The following RSU1 variants were observed in gnomAD, a reference collection of about 807,000 sequenced individuals.
The protein encoded by RSU1 is rsu-1.
A neutral mutation model predicts 31.1 loss-of-function variants in RSU1; 26 were observed. The ratio of observed to expected loss-of-function variants is 0.84; its 90% CI spans 0.61 to 1.16. RSU1 has a LOEUF of 1.16. Ranked by LOEUF, RSU1 falls within the 50% of genes most tolerant of loss-of-function variation. RSU1 has a pLI of 0.00. For synonymous variants in RSU1, 164 were observed against 136.3 expected, an observed-to-expected ratio of 1.20 and a Z score of -1.41; for missense variants, 320 against 339.1, an observed-to-expected ratio of 0.94 and a Z score of 0.44.
At chr10:16,688,532 C>T (rs1052102387) in intron 8 of RSU1, among the ~76,000 whole-genome samples, 12 of 152,124 alleles carry the variant, frequency 7.9e-5, no homozygotes, top group Non-Finnish European at 2.9e-5. Context: ...TGGCGTGAAC[C>T]CGGAAGGCGG....
chr10:16,628,795 C>CT (rs907550697), intron 8 of RSU1, among the ~76,000 whole-genome samples: 1 of 152,130 alleles, frequency 6.6e-6, no homozygotes, highest in African/African-American at 2.4e-5. Flanking sequence ...TCTCTCTCTC[C>CT]TTTTTTTAAA....
chr10:16,679,873 T>TG, intron 8 of RSU1, among the ~76,000 whole-genome samples: 1 of 32,614 alleles, frequency 3.1e-5, no homozygotes, highest in African/African-American at 9.0e-5. Context: ...ACTCAAGTTT[T>TG]TTTTTTTTTT....
chr10:16,739,093 T>C (rs939624938), intron 7 of RSU1, among the ~76,000 whole-genome samples: 2 of 152,226 alleles, frequency 1.3e-5, no homozygotes, highest in African/African-American at 4.8e-5. Flanking sequence ...GACCACATTT[T>C]CTTTATCCAG....
chr10:16,628,594 T>C (rs556506495), intron 8 of RSU1, among the ~76,000 whole-genome samples: 35 of 152,328 alleles, frequency 2.3e-4, no homozygotes, highest in African/African-American at 3.1e-4. Flanking sequence ...GGAAAGGCAT[T>C]TGTTAATGCA....
intron 7 of RSU1, among the ~76,000 whole-genome samples, chr10:16,745,395 C>T (rs573697538): frequency 1.3e-5 from 2 of 152,196 alleles, no homozygotes; most frequent in African/African-American, 2.4e-5. Context: ...TCCGTTTTCA[C>T]GCTACTCATA....
chr10:16,619,044 C>G (rs1834027238), intron 8 of RSU1, among the ~76,000 whole-genome samples: 2 of 152,142 alleles, frequency 1.3e-5, no homozygotes, highest in African/African-American at 4.8e-5. Context: ...GTTATGAGGA[C>G]TGAACATCAG....
rs79365601 is a variant in RSU1 at position 16,599,288 on chromosome 10, T to C, written c.732-5792A>G. On this transcript the variant is annotated intron_variant, in intron 8 of 8. Transcript: ENST00000345264. Reference sequence around the variant, plus strand: ...TTTTGTCCTGACCTCTTGTAACTTGTACTTTTCCCCCAGGGCCTTGGTGAA... The same window carrying C: ...TTTTGTCCTGACCTCTTGTAACTTGCACTTTTCCCCCAGGGCCTTGGTGAA... Among the ~76,000 whole-genome samples, 624 of 152,312 alleles carry C rather than the reference T, an allele frequency of 4.1e-3. 5 individuals are homozygous for C. Among genetic ancestry groups the C allele is most frequent in the African/African-American group, 0.014 (590 of 41,568 alleles).
intron 7 of RSU1, among the ~76,000 whole-genome samples, chr10:16,720,202 T>C (rs1836225339): frequency 6.6e-6 from 1 of 152,240 alleles, no homozygotes; most frequent in South Asian, 2.1e-4. Flanking sequence ...CAAATAAATC[T>C]TGATGTTCTT....
intron 8 of RSU1, among the ~76,000 whole-genome samples, chr10:16,648,541 T>C (rs1447791514): frequency 6.6e-6 from 1 of 152,142 alleles, no homozygotes; most frequent in Non-Finnish European, 1.5e-5. Context: ...GCCAAGTCTA[T>C]GGCTTGTTTG....
rs145193091 is a variant in RSU1, at chr10:16,752,464, T to A, written c.598+75A>T. On this transcript the variant is annotated intron_variant, in intron 7 of 8. Coordinates refer to ENST00000345264, the MANE Select transcript of RSU1 (RefSeq NM_012425.4). ...GTAGTTGCCAAGAAGAGGACAGAGG[T>A]TGTTCAGAATTGCTACATTAGGATA... 746 of 1,043,780 alleles carry A rather than the reference T, an allele frequency of 7.1e-4. 4 individuals carry two copies. The African/African-American group carries it at 0.01, about 15-fold the overall frequency. The allele number at this position is 1,043,780 out of a possible 1,614,324, so 64.7% of individuals were successfully genotyped here. A position where few individuals can be genotyped will look rare whatever the true frequency, so the allele number is the denominator to read the frequency against.
intron 7 of RSU1, among the ~76,000 whole-genome samples, chr10:16,715,461 ATT>A (rs1197161112): frequency 6.6e-6 from 1 of 152,166 alleles, no homozygotes; most frequent in East Asian, 1.9e-4. Context: ...TTTTTTATTC[ATT>A]TTGAGTTAAT....
chr10:16,808,765 T>G (rs1256223094), intron 2 of RSU1, among the ~76,000 whole-genome samples: 5 of 152,174 alleles, frequency 3.3e-5, no homozygotes, highest in African/African-American at 1.2e-4. Flanking sequence ...CCTCAACATG[T>G]GACTATATTT....
chr10:16,731,274 C>A (rs1311007364), intron 7 of RSU1, among the ~76,000 whole-genome samples: 1 of 151,696 alleles, frequency 6.6e-6, no homozygotes, highest in African/African-American at 2.4e-5. Flanking sequence ...CTAAAAAATA[C>A]AAAAAATTAG....
Position 16,695,044 on chromosome 10 carries a change from A to T in RSU1, c.710T>A (p.Ile237Asn), listed in dbSNP as rs899954164. The T allele has an allele frequency of 2.5e-6, 4 of 1,613,368 alleles. No homozygotes were observed. In the Admixed American group the frequency reaches 6.7e-5, roughly 27 times the overall value. ...QLGVSHVFEY[I>N]RSETYKYLYG... ...TTACTATTTGTATGTCTCAGAACGG[A>T]TATACTCAAAAACATGGGACACGCC... The change falls in exon 8 of 9, where the codon ATC (isoleucine) becomes AAC (asparagine). Residue 237 changes from isoleucine to asparagine, a missense_variant. Ile to Asn is a moderately radical substitution (Grantham distance 149, BLOSUM62 -3). Transcript: ENST00000345264.
chr10:16,785,323 G>C (rs1220528836), intron 2 of RSU1, among the ~76,000 whole-genome samples: 1 of 151,592 alleles, frequency 6.6e-6, no homozygotes, highest in Non-Finnish European at 1.5e-5. Flanking sequence ...TTGCTCCTCA[G>C]CTTGCAGATG....
At chr10:16,766,743 G>A (rs1455477629) in intron 3 of RSU1, among the ~76,000 whole-genome samples, 1 of 151,800 alleles carries the variant, frequency 6.6e-6, no homozygotes, top group African/African-American at 2.4e-5. Context: ...GCCTGGTGTG[G>A]TAGCTCACTC....
intron 8 of RSU1, among the ~76,000 whole-genome samples, chr10:16,663,027 G>T (rs1834917243): frequency 6.6e-6 from 1 of 150,906 alleles, no homozygotes; most frequent in African/African-American, 2.4e-5. Flanking sequence ...AATTTGCTCA[G>T]CGTAGAAACA....
intron 8 of RSU1, among the ~76,000 whole-genome samples, chr10:16,674,898 T>C (rs757180947): frequency 4.7e-4 from 71 of 152,010 alleles, no homozygotes; most frequent in Non-Finnish European, 6.2e-4. Flanking sequence ...CCAGGCGTGG[T>C]GGCACACGCC....
chr10:16,618,429 G>A (rs1834015737), intron 8 of RSU1, among the ~76,000 whole-genome samples: 1 of 152,168 alleles, frequency 6.6e-6, no homozygotes, highest in African/African-American at 2.4e-5. Flanking sequence ...GATTCCTCAA[G>A]GATCTAGAAC....
Sources: gnomAD v4.1 joint callset for allele counts (sites outside exome capture counted in the v4.1 genomes callset) on GRCh38, gnomAD v4.1.1 for gene constraint, MANE v1.5 for transcripts, NCBI Gene and HGNC (gene_info 2026-07-23, HGNC 2026-07-21) for gene names.